Variants in ERCC6L2 observed in about 807,000 individuals in gnomAD.
ERCC6L2 encodes the protein ERCC excision repair 6 like 2.
Under a neutral mutation model 132.0 loss-of-function variants are expected in ERCC6L2, and 77 were observed. That is an observed-to-expected ratio of 0.58 (90% CI 0.49 to 0.71). The LOEUF (loss-of-function observed/expected upper bound fraction) is 0.71. Among genes scored for constraint, ERCC6L2 ranks in the 30% least tolerant of loss-of-function variants. ERCC6L2 has a pLI of 0.00. For missense variants in ERCC6L2, 1,542 were observed against 1,837.6 expected, an observed-to-expected ratio of 0.84 and a Z score of 2.94; for synonymous variants, 583 against 632.4, an observed-to-expected ratio of 0.92 and a Z score of 1.17.
intron 18 of ERCC6L2, 113 bp from the exon 19 acceptor site, chr9:96,012,112 T>C (rs1834044778): frequency 1.5e-6 from 1 of 686,868 alleles, no homozygotes; most frequent in East Asian, 7.0e-5. Flanking sequence ...AGACGTATGC[T>C]AAAGGAACAA....
intron 2 of ERCC6L2, among the ~76,000 whole-genome samples, chr9:95,885,266 C>T (rs1313595267): frequency 1.3e-5 from 2 of 152,182 alleles, no homozygotes; most frequent in South Asian, 2.1e-4. Flanking sequence ...AATATCCATC[C>T]ATCTTTTGTT....
chr9:96,024,377 G>A (rs1033259753), intron 19 of ERCC6L2, among the ~76,000 whole-genome samples: 7 of 152,262 alleles, frequency 4.6e-5, no homozygotes, highest in Non-Finnish European at 8.8e-5. Flanking sequence ...CAATCCCAAT[G>A]TATTCAAGAG....
At chr9:95,961,659 G>T (rs1831907362) in intron 13 of ERCC6L2, among the ~76,000 whole-genome samples, 1 of 152,072 alleles carries the variant, frequency 6.6e-6, no homozygotes, top group African/African-American at 2.4e-5. Context: ...CAGACTAGGA[G>T]CATATGTTTG....
At chr9:95,938,638 G>A (rs1310347355) in intron 11 of ERCC6L2, among the ~76,000 whole-genome samples, 1 of 152,014 alleles carries the variant, frequency 6.6e-6, no homozygotes, top group African/African-American at 2.4e-5. Context: ...AATATAGCCA[G>A]TCTTGCTTTT....
At chr9:95,947,259 T>C (rs1223437564) in intron 12 of ERCC6L2, among the ~76,000 whole-genome samples, 2 of 152,196 alleles carry the variant, frequency 1.3e-5, no homozygotes, top group Non-Finnish European at 2.9e-5. Context: ...GCCTTATTGC[T>C]GATACGAAGA....
chr9:95,972,723 A>G lies in ERCC6L2; in HGVS notation c.2972A>G (p.Lys991Arg). Residue 991 changes from lysine (K) to arginine (R), a missense_variant, in exon 16 of 19, where the codon AAG becomes AGG. Physicochemically the swap from Lys to Arg is conservative, Grantham distance 26. Coordinates refer to ENST00000653738, the MANE Select transcript of ERCC6L2 (RefSeq NM_020207.7). ...DESDDIEISS[K>R]SRVRKRASSL... ...TCTGATGACATTGAAATTTCTTCCA[A>G]GTCAAGAGTAAGAAAGAGAGCTAGT... 1 of 1,302,674 alleles carries G rather than the reference A, an allele frequency of 7.7e-7. No homozygotes were observed. Among genetic ancestry groups the G allele is most frequent in the Non-Finnish European group, 1.0e-6 (1 of 988,800 alleles). The allele number at this position is 1,302,674 out of a possible 1,614,324, so 80.7% of individuals were successfully genotyped here.
chr9:95,922,055 GATAA>G (rs1484551980), intron 7 of ERCC6L2, among the ~76,000 whole-genome samples: 6 of 152,178 alleles, frequency 3.9e-5, no homozygotes, highest in African/African-American at 1.2e-4. Context: ...GTGTCATGAG[GATAA>G]ATACTTTCTG....
intron 3 of ERCC6L2, among the ~76,000 whole-genome samples, chr9:95,905,787 G>A (rs1279376332): frequency 6.6e-6 from 1 of 152,116 alleles, no homozygotes; most frequent in Non-Finnish European, 1.5e-5. Flanking sequence ...ACTTTTTAGA[G>A]TTGACAAATG....
chr9:95,887,455 C>G (rs1443444228), intron 2 of ERCC6L2, among the ~76,000 whole-genome samples: 1 of 152,188 alleles, frequency 6.6e-6, no homozygotes, highest in East Asian at 1.9e-4. Flanking sequence ...ACACCAAAAT[C>G]TTAAGGACTA....
chr9:95,922,064 T>C (rs931808853), intron 7 of ERCC6L2, among the ~76,000 whole-genome samples: 3 of 152,192 alleles, frequency 2.0e-5, no homozygotes, highest in Admixed American at 2.0e-4. Context: ...GGATAAATAC[T>C]TTCTGTAATA....
At chr9:95,901,311 T>A (rs945444757) in intron 3 of ERCC6L2, among the ~76,000 whole-genome samples, 2 of 152,140 alleles carry the variant, frequency 1.3e-5, no homozygotes, top group African/African-American at 4.8e-5. Context: ...TTTTAATTGA[T>A]GAAATTTGGA....
At chr9:96,036,805 C>T (rs967104589) in intron 19 of ERCC6L2, among the ~76,000 whole-genome samples, 2 of 144,186 alleles carry the variant, frequency 1.4e-5, no homozygotes, top group Admixed American at 7.0e-5. Context: ...CTCACTCTGT[C>T]GCCCAGGCTG....
chr9:96,004,309 C>T (rs1241868226), intron 17 of ERCC6L2, among the ~76,000 whole-genome samples: 1 of 152,106 alleles, frequency 6.6e-6, no homozygotes, highest in African/African-American at 2.4e-5. Context: ...ATTGCCAATA[C>T]TTGTATAACT....
chr9:96,029,448 G>A (rs1464211210), intron 19 of ERCC6L2, among the ~76,000 whole-genome samples: 2 of 152,202 alleles, frequency 1.3e-5, no homozygotes, highest in East Asian at 1.9e-4. Context: ...CTTGGTCTGC[G>A]TGCTGGTTTC....
chr9:95,888,913 A>G (rs561127856), intron 2 of ERCC6L2, among the ~76,000 whole-genome samples: 1 of 152,298 alleles, frequency 6.6e-6, no homozygotes, highest in East Asian at 1.9e-4. Context: ...TAATTAATAT[A>G]TAGCTAAGAG....
chr9:95,959,577 A>G (rs887246913), intron 13 of ERCC6L2, among the ~76,000 whole-genome samples: 14 of 152,058 alleles, frequency 9.2e-5, no homozygotes, highest in Non-Finnish European at 1.9e-4. Context: ...AGAAACTACC[A>G]TCAGAGTGAA....
At position 96,017,389 on chromosome 9, in the gene ERCC6L2, T is replaced by C. The variant is rs1297302833; in HGVS notation, c.*4186T>C. ...GCATCTGATAGTTACTCTCTGCCCC[T>C]AGGAGGAAAGACAGATTCGCCCTTC... On this transcript the variant is annotated 3_prime_UTR_variant, in exon 19 of 19. Transcript: ENST00000653738. Among the ~76,000 whole-genome samples the C allele has an allele frequency of 1.3e-5, 2 of 152,026 alleles. No homozygotes were observed. The highest frequency in any genetic ancestry group is 2.9e-5 in the Non-Finnish European group (2 of 67,926).
chr9:95,925,885 A>G (rs1830078938), intron 9 of ERCC6L2, among the ~76,000 whole-genome samples: 1 of 152,224 alleles, frequency 6.6e-6, no homozygotes, highest in African/African-American at 2.4e-5. Context: ...TTAAAGCTCA[A>G]CAATGGGAAA....
In ERCC6L2 at chr9:95,916,186, G is replaced by A. The variant is rs775494317; in HGVS notation, c.951-41G>A. 3 of 1,557,200 alleles carry A rather than the reference G, an allele frequency of 1.9e-6. No individual in the cohort carries two copies. In the South Asian group the frequency reaches 3.4e-5, roughly 18 times the overall value. ...TAGAAGCAAGAAGTTAGTGTTTTTA[G>A]ATAATAAAGCCCTTACATTTTTCTT... On this transcript the variant is annotated intron_variant, in intron 5 of 18. Transcript: ENST00000653738.
Sources: gnomAD v4.1 joint callset for allele counts (sites outside exome capture counted in the v4.1 genomes callset) on GRCh38, gnomAD v4.1.1 for gene constraint, MANE v1.5 for transcripts, NCBI Gene and HGNC (gene_info 2026-07-23, HGNC 2026-07-21) for gene names.